BAZ2B: variants seen among roughly 807,000 people sequenced by gnomAD.
BAZ2B encodes bromodomain adjacent to zinc finger domain 2B.
BAZ2B carries 91 observed loss-of-function variants against 246.0 expected under a neutral mutation model. That is an observed-to-expected ratio of 0.37 (90% confidence interval 0.31 to 0.44). The LOEUF is 0.44. BAZ2B is among the 20% of genes least tolerant of loss of function. The probability of loss-of-function intolerance (pLI) is 1.00; values close to 1 mark genes in which losing one functional copy is unlikely to be tolerated. For missense variants in BAZ2B, 2,332 were observed against 2,533.7 expected, an observed-to-expected ratio of 0.92 and a Z score of 1.71; for synonymous variants, 855 against 860.0, an observed-to-expected ratio of 0.99 and a Z score of 0.10.
chr2:159,463,510 G>T (rs2076660732), intron 3 of BAZ2B: 1 of 154,508 alleles, frequency 6.5e-6, no homozygotes, highest in Non-Finnish European at 1.4e-5. Context: ...CAGTGTACAA[G>T]CGTTCCCTTT....
intron 1 of BAZ2B, among the ~76,000 whole-genome samples, chr2:159,564,491 T>G (rs2090170341): frequency 6.6e-6 from 1 of 152,196 alleles, no homozygotes; most frequent in African/African-American, 2.4e-5. Context: ...CAGTGACCAG[T>G]TGAGCAACTG....
At chr2:159,427,465 A>G (rs1470219810) in intron 13 of BAZ2B, among the ~76,000 whole-genome samples, 1 of 152,130 alleles carries the variant, frequency 6.6e-6, no homozygotes, top group Non-Finnish European at 1.5e-5. Flanking sequence ...AATGACAAAA[A>G]AAAACTTATC....
intron 2 of BAZ2B, among the ~76,000 whole-genome samples, chr2:159,527,283 C>A (rs903818615): frequency 7.9e-5 from 12 of 151,994 alleles, no homozygotes; most frequent in Non-Finnish European, 4.4e-5. Context: ...TATCTTTTGC[C>A]CATTTTCTAA....
Position 159,448,096 on chromosome 2 carries a change from C to T in BAZ2B, c.502+146G>A, listed in dbSNP as rs987143356. The stretch of plus-strand genomic sequence containing the variant: ...CTATGATCATACAACTGTACTCCAG[C>T]CTGGGCAAAAGAGTGAGACCTTGTC... On this transcript the variant is annotated intron_variant, in intron 5 of 36. Coordinates refer to ENST00000392783, the MANE Select transcript of BAZ2B (RefSeq NM_013450.4). 7.8e-5 allele frequency: 70 copies of T among 901,928 alleles called. No individual in the cohort carries two copies. The East Asian group carries it at 2.0e-3, about 26-fold the overall frequency. The allele number at this position is 901,928 out of a possible 1,614,324, so 55.9% of individuals were successfully genotyped here. A position where few individuals can be genotyped will look rare whatever the true frequency, so the allele number is the denominator to read the frequency against.
the BAZ2B span, among the ~76,000 whole-genome samples, chr2:159,684,463 G>A: frequency 6.6e-6 from 1 of 152,164 alleles, no homozygotes; most frequent in Non-Finnish European, 1.5e-5. Context: ...ACTAAATAAA[G>A]AAAAAGTGGA....
At position 159,349,933 on chromosome 2, in the gene BAZ2B, G is replaced by T. The variant is rs2058375504; in HGVS notation, c.4638C>A (p.Asp1546Glu). Residue 1546 changes from aspartate (D) to glutamate (E), a missense_variant, in exon 28 of 37, where the codon GAC becomes GAA. Around this residue, in one of 9 missense-constraint regions of BAZ2B, gnomAD observed 676 missense variants for 668.6 expected, o/e 1.01. Transcript: ENST00000392783. Reference sequence around the variant, plus strand: ...TTTCAGTCAGCGTTTTTAGTAACTGGTCATTGGGGAGAGGACTGTAGAACT... The same window carrying T: ...TTTCAGTCAGCGTTTTTAGTAACTGTTCATTGGGGAGAGGACTGTAGAACT... ...PGKFYSPLPN[D>E]QLLKTLTEKN... The T allele has an allele frequency of 3.7e-6, 6 of 1,614,020 alleles. No homozygotes were observed. The highest frequency in any genetic ancestry group is 4.2e-6 in the Non-Finnish European group (5 of 1,179,974).
the BAZ2B span, among the ~76,000 whole-genome samples, chr2:159,636,455 A>G: frequency 6.6e-6 from 1 of 152,082 alleles, no homozygotes; most frequent in Non-Finnish European, 1.5e-5. Flanking sequence ...CTCAACTGGC[A>G]CCTATGCATG....
rs1391777889 is a variant in BAZ2B, at chr2:159,433,091, G to A, written c.1566C>T (p.Asn522=). ...AAGGGGTGCTACTTGCAGCAGCAAT[G>A]TTTTCATTAATCTTGCTCTGCATTT... ...KTKMQSKINE[N]IAAASSTPFS... The change falls in exon 9 of 37, where the codon AAC becomes AAT. Residue 522 remains asparagine, a synonymous_variant. Coordinates refer to ENST00000392783, the MANE Select transcript of BAZ2B (RefSeq NM_013450.4). The A allele has an allele frequency of 1.2e-6, 2 of 1,614,206 alleles. No individual in the cohort carries two copies. The highest frequency in any genetic ancestry group is 1.7e-6 in the Non-Finnish European group (2 of 1,180,030).
intron 2 of BAZ2B, among the ~76,000 whole-genome samples, chr2:159,498,689 A>T (rs1017787749): frequency 2.6e-5 from 4 of 152,182 alleles, no homozygotes; most frequent in Non-Finnish European, 5.9e-5. Flanking sequence ...ATATACACAA[A>T]AAGTTATTAT....
chr2:159,356,389 C>T (rs549824911), intron 27 of BAZ2B, among the ~76,000 whole-genome samples: 85 of 152,306 alleles, frequency 5.6e-4, no homozygotes, highest in Admixed American at 1.1e-3. Context: ...TCAAACTGGG[C>T]GGAGCCCTCT....
At chr2:159,483,752 T>C (rs775291039) in intron 2 of BAZ2B, among the ~76,000 whole-genome samples, 5 of 151,940 alleles carry the variant, frequency 3.3e-5, no homozygotes, top group Non-Finnish European at 7.4e-5. Flanking sequence ...CTGTACTCCA[T>C]TCTGGGCAAC....
intron 31 of BAZ2B, among the ~76,000 whole-genome samples, chr2:159,343,369 C>G (rs2067103552): frequency 6.6e-6 from 1 of 152,020 alleles, no homozygotes; most frequent in Admixed American, 6.6e-5. Flanking sequence ...TTCAAAAGCA[C>G]AGGTAACAGA....
chr2:159,688,108 T>C, the BAZ2B span, among the ~76,000 whole-genome samples: 1 of 152,220 alleles, frequency 6.6e-6, no homozygotes, highest in Non-Finnish European at 1.5e-5. Flanking sequence ...TGTGAGATCC[T>C]AGTTCATTGC....
the BAZ2B span, among the ~76,000 whole-genome samples, chr2:159,629,818 TATA>T: frequency 6.6e-6 from 1 of 151,960 alleles, no homozygotes; most frequent in African/African-American, 2.4e-5. Flanking sequence ...GAACTTAAAG[TATA>T]ATAAAAAATA....
intron 2 of BAZ2B, among the ~76,000 whole-genome samples, chr2:159,518,733 C>T (rs1008753627): frequency 6.6e-6 from 1 of 152,054 alleles, no homozygotes; most frequent in African/African-American, 2.4e-5. Flanking sequence ...AATAAGAGGA[C>T]ATGAGAAAGA....
At chr2:159,411,331 T>C (rs1205649540) in intron 14 of BAZ2B, among the ~76,000 whole-genome samples, 1 of 152,142 alleles carries the variant, frequency 6.6e-6, no homozygotes, top group African/African-American at 2.4e-5. Context: ...TTCTATGAGT[T>C]TTGTCATAGA....
chr2:159,695,423 A>T, the BAZ2B span: 1 of 125,310 alleles, frequency 8.0e-6, no homozygotes, highest in Admixed American at 7.4e-5. Flanking sequence ...TGTCATATCT[A>T]AAAAAAAAAA....
chr2:159,380,659 T>C (rs942694419), intron 25 of BAZ2B, among the ~76,000 whole-genome samples: 3 of 152,140 alleles, frequency 2.0e-5, no homozygotes, highest in South Asian at 2.1e-4. Context: ...ACAATGTGGA[T>C]TATGCTGAAT....
chr2:159,342,338 A>T (rs1251917963), intron 31 of BAZ2B, among the ~76,000 whole-genome samples: 2 of 152,202 alleles, frequency 1.3e-5, no homozygotes, highest in Admixed American at 6.5e-5. Context: ...TTCATATAGA[A>T]CCAAAAGAGA....
Sources: gnomAD v4.1 joint callset for allele counts (sites outside exome capture counted in the v4.1 genomes callset) on GRCh38, gnomAD v4.1.1 for gene constraint, gnomAD v4.1.1 regional missense constraint, MANE v1.5 for transcripts, NCBI Gene and HGNC (gene_info 2026-07-23, HGNC 2026-07-21) for gene names.